The following LARP1B variants were observed in gnomAD, a reference collection of about 807,000 sequenced individuals.
LARP1B encodes la-related protein 1B.
Under a neutral mutation model 114.2 loss-of-function variants are expected in LARP1B, and 76 were observed. The ratio of observed to expected loss-of-function variants is 0.67; its 90% confidence interval spans 0.55 to 0.81. The LOEUF (loss-of-function observed/expected upper bound fraction) is 0.81. LARP1B is among the 30% of genes least tolerant of loss of function. The pLI is 0.00. For synonymous variants in LARP1B, 345 were observed against 348.0 expected, an observed-to-expected ratio of 0.99 and a Z score of 0.10; for missense variants, 1,014 against 1,075.8, an observed-to-expected ratio of 0.94 and a Z score of 0.80.
rs1047330231 is a variant in LARP1B at position 128,210,669 on chromosome 4, C to T, written c.*616C>T. 7 of 972,898 alleles carry T rather than the reference C, an allele frequency of 7.2e-6. 1 individual carries two copies. The Admixed American group carries it at 3.7e-4, about 51-fold the overall frequency. The allele number at this position is 972,898 out of a possible 1,614,324, so 60.3% of individuals were successfully genotyped here. ...GGAATATATAGTAAGATTGTAGTTA[C>T]AATGAGTATATGCACTTTTGATGCT... On this transcript the variant is annotated 3_prime_UTR_variant, in exon 20 of 20. Transcript: ENST00000326639.
intron 11 of LARP1B, among the ~76,000 whole-genome samples, chr4:128,140,175 G>C (rs1330067658): frequency 6.6e-6 from 1 of 152,148 alleles, no homozygotes; most frequent in Admixed American, 6.5e-5. Context: ...AGATTACATT[G>C]TGTTTGTATT....
In LARP1B at chr4:128,093,709, C is replaced by CTT. The variant is rs561778078; in HGVS notation, c.668+2214_668+2215dup. Among the ~76,000 whole-genome samples, 7 of 122,714 alleles carry CTT rather than the reference C, an allele frequency of 5.7e-5. No homozygotes were observed. In the South Asian group the frequency reaches 1.7e-3, roughly 29 times the overall value. 80.5% of individuals were successfully genotyped at this position (122,714 alleles called of 152,430 possible). On this transcript the variant is annotated intron_variant, in intron 7 of 19. Transcript: ENST00000326639. The stretch of plus-strand genomic sequence containing the variant: ...AAATGGTTGAGGGGTTTTTTTTAAA[C>CTT]TTTTTTTTTTTTTTTTTTGAAATGG...
chr4:128,123,071 A>G lies in LARP1B; in HGVS notation c.1524+883A>G, dbSNP rs182254857. On this transcript the variant is annotated intron_variant, in intron 11 of 19. Transcript: ENST00000326639. ...AAGTTGTAGGAAGAAAAGCTAGCCA[A>G]TTAGTGGCTGAGTAGAGGGGACTGC... 1.7e-3 allele frequency: 1,643 copies of G among 985,408 alleles called. 1 individual carries two copies. The highest frequency in any genetic ancestry group is 1.8e-3 in the Non-Finnish European group (1,526 of 829,928). 61.0% of individuals were successfully genotyped at this position (985,408 alleles called of 1,614,324 possible). A position where few individuals can be genotyped will look rare whatever the true frequency, so the allele number is the denominator to read the frequency against.
chr4:128,156,863 T>TA (rs56753518), intron 11 of LARP1B, among the ~76,000 whole-genome samples: 17,814 of 80,578 alleles, frequency 0.22, 1,945 homozygotes, highest in Non-Finnish European at 0.27. Flanking sequence ...GGCTTGAAGC[T>TA]AAAAAAAAAA....
rs1435695655 is a variant in LARP1B, at chr4:128,067,802, CG to C, written c.-78+6402del. Reference sequence around the variant, plus strand: ...CAATCTCATTGCAACCTCCATCTCCCGTGTTCAAGCGATTCTTCTGCTTCAG... The same window carrying C: ...CAATCTCATTGCAACCTCCATCTCCCTGTTCAAGCGATTCTTCTGCTTCAG... On this transcript the variant is annotated intron_variant, in intron 1 of 19. Coordinates refer to ENST00000326639, the MANE Select transcript of LARP1B (RefSeq NM_018078.4). Among the ~76,000 whole-genome samples, 3 of 151,452 alleles carry C rather than the reference CG, an allele frequency of 2.0e-5. No homozygotes were observed. In the East Asian group the frequency reaches 5.8e-4, roughly 29 times the overall value.
chr4:128,075,414 CAAG>C (rs1767420613), intron 3 of LARP1B, among the ~76,000 whole-genome samples: 1 of 152,086 alleles, frequency 6.6e-6, no homozygotes, highest in Admixed American at 6.6e-5. Flanking sequence ...CTTGATTCAT[CAAG>C]AAGATTACAT....
At chr4:128,083,532 C>T (rs1425689949) in intron 5 of LARP1B, among the ~76,000 whole-genome samples, 5 of 147,956 alleles carry the variant, frequency 3.4e-5, no homozygotes, top group African/African-American at 7.5e-5. Flanking sequence ...CGGGCAGAGG[C>T]GCCCCTCACC....
intron 4 of LARP1B, among the ~76,000 whole-genome samples, chr4:128,081,794 G>A (rs550743611): frequency 3.0e-4 from 45 of 152,340 alleles, no homozygotes; most frequent in African/African-American, 1.1e-3. Context: ...GAGTGCAATG[G>A]CACGATCTCG....
At chr4:128,222,831 G>A (rs1760112762), downstream of LARP1B, 1 of 153,420 alleles carries the variant, frequency 6.5e-6, no homozygotes, top group African/African-American at 2.4e-5. Flanking sequence ...GAGCCCGCAG[G>A]GGAGGCAGGT....
chr4:128,104,222 T>C (rs1434289344), intron 8 of LARP1B, among the ~76,000 whole-genome samples: 1 of 152,128 alleles, frequency 6.6e-6, no homozygotes, highest in Admixed American at 6.6e-5. Flanking sequence ...GGCAAGCTGC[T>C]TTCTGTACCC....
chr4:128,129,366 G>T (rs1214162124), intron 11 of LARP1B, among the ~76,000 whole-genome samples: 1 of 124,864 alleles, frequency 8.0e-6, no homozygotes, highest in African/African-American at 2.8e-5. Flanking sequence ...AAAAAAAAAG[G>T]AATAAGTAAA....
chr4:128,081,718 G>C (rs114618112), intron 4 of LARP1B, among the ~76,000 whole-genome samples: 4,056 of 152,206 alleles, frequency 0.027, 167 homozygotes, highest in African/African-American at 0.093. Flanking sequence ...GGGATTGGGG[G>C]TTCTGTAGGC....
At chr4:128,181,617 A>G (rs966502310) in intron 15 of LARP1B, among the ~76,000 whole-genome samples, 22 of 152,006 alleles carry the variant, frequency 1.4e-4, no homozygotes, top group Admixed American at 1.0e-3. Flanking sequence ...TCTAGGATTT[A>G]CAGGTATACT....
intron 12 of LARP1B, among the ~76,000 whole-genome samples, chr4:128,172,557 G>T (rs2150569841): frequency 6.6e-6 from 1 of 152,100 alleles, no homozygotes; most frequent in East Asian, 1.9e-4. Context: ...GCTGGGTGTG[G>T]TGGCGCACAC....
At chr4:128,090,944 A>G (rs950151200) in intron 5 of LARP1B, 57 bp from the exon 6 acceptor site, 13 of 1,327,378 alleles carry the variant, frequency 9.8e-6, no homozygotes, top group African/African-American at 4.4e-5. Flanking sequence ...CATAAAGACA[A>G]TCATGTTATT....
At chr4:128,090,873 T>A in intron 5 of LARP1B, 128 bp from the exon 6 acceptor site, 1 of 653,256 alleles carries the variant, frequency 1.5e-6, no homozygotes, top group Non-Finnish European at 2.5e-6. Context: ...TGTATCCATC[T>A]GAAAAATGCC....
chr4:128,137,587 C>T (rs934341122), intron 11 of LARP1B, among the ~76,000 whole-genome samples: 5 of 151,730 alleles, frequency 3.3e-5, no homozygotes, highest in African/African-American at 1.2e-4. Context: ...TTTAGTGATA[C>T]ATAATAATTG....
At chr4:128,062,508 T>C (rs1260666112) in intron 1 of LARP1B, among the ~76,000 whole-genome samples, 1 of 151,928 alleles carries the variant, frequency 6.6e-6, no homozygotes, top group Non-Finnish European at 1.5e-5. Context: ...CGGTTGCGAT[T>C]GTGTTTTGTC....
At chr4:128,115,783 C>T (rs1458817042) in intron 10 of LARP1B, among the ~76,000 whole-genome samples, 2 of 152,116 alleles carry the variant, frequency 1.3e-5, no homozygotes, top group Non-Finnish European at 2.9e-5. Context: ...AGCCACCTGA[C>T]TTACTGGGAT....
Sources: gnomAD v4.1 joint callset for allele counts (sites outside exome capture counted in the v4.1 genomes callset) on GRCh38, gnomAD v4.1.1 for gene constraint, MANE v1.5 for transcripts, NCBI Gene and HGNC (gene_info 2026-07-23, HGNC 2026-07-21) for gene names.